SLC10A7: variants seen among roughly 807,000 people sequenced by gnomAD.
The protein encoded by SLC10A7 is solute carrier family 10 member 7.
SLC10A7 carries 29 observed loss-of-function variants against 43.2 expected under a neutral mutation model. The ratio of observed to expected loss-of-function variants is 0.67; its 90% confidence interval spans 0.50 to 0.92. The LOEUF (loss-of-function observed/expected upper bound fraction) is 0.92, where lower values mean the gene tolerates loss of function less well. Among genes scored for constraint, SLC10A7 ranks in the 40% least tolerant of loss-of-function variants. SLC10A7 has a pLI of 0.00. For missense variants in SLC10A7, 295 were observed against 403.2 expected, an observed-to-expected ratio of 0.73 and a Z score of 2.30; for synonymous variants, 152 against 144.8, an observed-to-expected ratio of 1.05 and a Z score of -0.35.
In SLC10A7 at chr4:146,521,764, T is replaced by G; in HGVS notation, c.-47A>C. The G allele has an allele frequency of 6.7e-7, 1 of 1,496,488 alleles. No individual in the cohort carries two copies. The highest frequency in any genetic ancestry group is 9.3e-7 in the Non-Finnish European group (1 of 1,073,832). 92.7% of individuals were successfully genotyped at this position (1,496,488 alleles called of 1,614,324 possible). On this transcript the variant is annotated 5_prime_UTR_variant, in exon 1 of 12. Coordinates refer to ENST00000335472, the MANE Select transcript of SLC10A7 (RefSeq NM_001029998.6). The stretch of plus-strand genomic sequence containing the variant: ...TTGTTTATTTGTTTGGCTTTTTTTC[T>G]TTTCAAGCTCCGATCACCTAATCCT...
chr4:146,433,345 G>T (rs1560902881), intron 5 of SLC10A7, among the ~76,000 whole-genome samples: 2 of 151,202 alleles, frequency 1.3e-5, no homozygotes, highest in Non-Finnish European at 2.9e-5. Flanking sequence ...CTGGCTCTTT[G>T]AAACCAAAGT....
At chr4:146,484,096 AATTCCAAC>A (rs1734722215) in intron 4 of SLC10A7, among the ~76,000 whole-genome samples, 6 of 152,228 alleles carry the variant, frequency 3.9e-5, no homozygotes, top group Admixed American at 3.9e-4. Context: ...TCACATCTGT[AATTCCAAC>A]ATTTCAGGAG....
intron 11 of SLC10A7, chr4:146,257,052 C>CT (rs1727929996): frequency 1.4e-6 from 1 of 700,064 alleles, no homozygotes; most frequent in Non-Finnish European, 2.4e-6. Flanking sequence ...AAAATTCACT[C>CT]TGATTAATTT....
chr4:146,516,919 G>A, intron 2 of SLC10A7, 119 bp downstream of exon 2: 2 of 712,508 alleles, frequency 2.8e-6, no homozygotes, highest in Non-Finnish European at 4.6e-6. Context: ...GTTATCTTCT[G>A]CTATAGTGAA....
At chr4:146,399,669 C>A (rs886582577) in intron 5 of SLC10A7, among the ~76,000 whole-genome samples, 1 of 151,902 alleles carries the variant, frequency 6.6e-6, no homozygotes, top group Non-Finnish European at 1.5e-5. Flanking sequence ...AAATCAGATA[C>A]GGGGAGGGGA....
chr4:146,440,959 G>C (rs1730554577), intron 5 of SLC10A7, among the ~76,000 whole-genome samples: 2 of 152,100 alleles, frequency 1.3e-5, no homozygotes, highest in Non-Finnish European at 2.9e-5. Context: ...TATTGTCTGT[G>C]CCATTTATTT....
intron 6 of SLC10A7, among the ~76,000 whole-genome samples, chr4:146,325,722 TATA>T (rs1337466470): frequency 6.6e-6 from 1 of 152,214 alleles, no homozygotes; most frequent in Non-Finnish European, 1.5e-5. Flanking sequence ...TTATTTGTAA[TATA>T]ATGATTTAGC....
intron 2 of SLC10A7, among the ~76,000 whole-genome samples, chr4:146,516,061 C>T (rs1273411462): frequency 1.3e-5 from 2 of 151,954 alleles, no homozygotes; most frequent in Non-Finnish European, 2.9e-5. Context: ...TCATTCCAAT[C>T]ACACTTAAAA....
chr4:146,469,181 A>G (rs1422069922), intron 4 of SLC10A7, among the ~76,000 whole-genome samples: 1 of 152,224 alleles, frequency 6.6e-6, no homozygotes, highest in African/African-American at 2.4e-5. Flanking sequence ...CACAACTTCT[A>G]ACCCAGTCAT....
At chr4:146,436,488 T>C (rs1252446152) in intron 5 of SLC10A7, among the ~76,000 whole-genome samples, 2 of 152,120 alleles carry the variant, frequency 1.3e-5, no homozygotes, top group Non-Finnish European at 2.9e-5. Context: ...AACACAAACA[T>C]GTTCAGGTTG....
Position 146,254,673 on chromosome 4 carries a change from A to C in SLC10A7, c.*1818T>G, listed in dbSNP as rs1030517989. On this transcript the variant is annotated 3_prime_UTR_variant, in exon 12 of 12. Transcript: ENST00000335472. ...AGTTGGGGGCGGGGATCAGTATTTT[A>C]ATGTTAGGGAGAAAGATTTTTATGA... The C allele has an allele frequency of 2.0e-5, 3 of 152,204 alleles. No individual in the cohort carries two copies. Among genetic ancestry groups the C allele is most frequent in the African/African-American group, 7.2e-5 (3 of 41,452 alleles). 9.4% of individuals were successfully genotyped at this position (152,204 alleles called of 1,614,324 possible).
At chr4:146,389,103 C>T (rs1252391598) in intron 5 of SLC10A7, among the ~76,000 whole-genome samples, 2 of 152,098 alleles carry the variant, frequency 1.3e-5, no homozygotes, top group Non-Finnish European at 2.9e-5. Flanking sequence ...TGTTCTTACT[C>T]ACAAGCGGGA....
chr4:146,446,987 C>A (rs1731152162), intron 4 of SLC10A7, among the ~76,000 whole-genome samples: 1 of 152,168 alleles, frequency 6.6e-6, no homozygotes, highest in Non-Finnish European at 1.5e-5. Flanking sequence ...GCACAGAAGA[C>A]TGGATCTGAC....
chr4:146,302,894 G>C lies in SLC10A7; in HGVS notation c.555+3032C>G, dbSNP rs188003059. Among the ~76,000 whole-genome samples the C allele has an allele frequency of 4.6e-5, 7 of 152,240 alleles. No homozygotes were observed. In the East Asian group the frequency reaches 1.3e-3, roughly 29 times the overall value. Reference sequence around the variant, plus strand: ...CTAAGTATAAAATTAAAAAAAATTAGTACATGTGTTGTGGATGCTGTGGAG... The same window carrying C: ...CTAAGTATAAAATTAAAAAAAATTACTACATGTGTTGTGGATGCTGTGGAG... On this transcript the variant is annotated intron_variant, in intron 7 of 11. Transcript: ENST00000335472.
chr4:146,386,906 T>C (rs538133022), intron 5 of SLC10A7, among the ~76,000 whole-genome samples: 17 of 152,356 alleles, frequency 1.1e-4, no homozygotes, highest in Non-Finnish European at 2.1e-4. Flanking sequence ...CTATTTTTCA[T>C]AGAGCTTAGT....
rs148959427 is a variant in SLC10A7, at chr4:146,447,374, G to A, written c.397-4553C>T. On this transcript the variant is annotated intron_variant, in intron 4 of 11. Transcript: ENST00000335472. The stretch of plus-strand genomic sequence containing the variant: ...TCCTCCCATCTCAGCCTCCTAAATT[G>A]CTGAGATTACAGGTGTGAGTCACCA... Among the ~76,000 whole-genome samples, 733 of 152,120 alleles carry A rather than the reference G, an allele frequency of 4.8e-3. 7 individuals carry two copies. The highest frequency in any genetic ancestry group is 0.017 in the African/African-American group (713 of 41,478).
In SLC10A7 at chr4:146,374,619, T is replaced by C. The variant is rs866837768; in HGVS notation, c.436-48623A>G. ...ATATATACATATATATATATACACA[T>C]ACACACACACACACACACACACACA... On this transcript the variant is annotated intron_variant, in intron 5 of 11. Coordinates refer to ENST00000335472, the MANE Select transcript of SLC10A7 (RefSeq NM_001029998.6). 6.9e-3 allele frequency among the ~76,000 whole-genome samples: 858 copies of C among 123,518 alleles called. 7 individuals carry two copies. The highest frequency in any genetic ancestry group is 0.02 in the African/African-American group (649 of 33,126). 81.0% of individuals were successfully genotyped at this position (123,518 alleles called of 152,430 possible).
intron 6 of SLC10A7, among the ~76,000 whole-genome samples, 159 bp from the exon 7 acceptor site, chr4:146,306,168 C>T (rs1731557434): frequency 6.6e-6 from 1 of 152,056 alleles, no homozygotes; most frequent in Non-Finnish European, 1.5e-5. Flanking sequence ...CTAAGTTCAA[C>T]ACAAAAAACT....
chr4:146,289,240 C>T (rs1578796517), intron 9 of SLC10A7, among the ~76,000 whole-genome samples: 1 of 152,296 alleles, frequency 6.6e-6, no homozygotes, highest in African/African-American at 2.4e-5. Context: ...TGATCATCGC[C>T]ATCTTCCTTG....
Sources: gnomAD v4.1 joint callset for allele counts (sites outside exome capture counted in the v4.1 genomes callset) on GRCh38, gnomAD v4.1.1 for gene constraint, MANE v1.5 for transcripts, NCBI Gene and HGNC (gene_info 2026-07-23, HGNC 2026-07-21) for gene names.